Variants in MGAM2 observed in about 807,000 individuals in gnomAD.
MGAM2 encodes probable maltase-glucoamylase 2.
A neutral mutation model predicts 96.1 loss-of-function variants in MGAM2; 98 were observed. The observed-to-expected ratio is 1.02, with a 90% CI of 0.87 to 1.21. The LOEUF (loss-of-function observed/expected upper bound fraction) is 1.21, where lower values mean the gene tolerates loss of function less well. Ranked by LOEUF, MGAM2 falls within the 50% of genes most tolerant of loss-of-function variation. MGAM2 has a pLI of 0.00. For synonymous variants in MGAM2, 749 were observed against 414.8 expected (o/e 1.81, Z -9.79); for missense variants, 2,055 against 1,182.4 (o/e 1.74, Z -10.82).
chr7:142,213,808 C>G (rs1215074820), intron 46 of MGAM2, among the ~76,000 whole-genome samples: 1 of 152,168 alleles, frequency 6.6e-6, no homozygotes, highest in African/African-American at 2.4e-5. Flanking sequence ...TGCCCTAACT[C>G]ATTTTATGAG....
chr7:142,142,524 G>GTTTTTTTTTTTTT lies in MGAM2; in HGVS notation c.1318-1233_1318-1221dup, dbSNP rs746342532. On this transcript the variant is annotated intron_variant, in intron 12 of 47. Coordinates refer to ENST00000477922, the MANE Select transcript of MGAM2 (RefSeq NM_001293626.2). ...GTAGTGGAGGTGCATAGTGGTGTGT[G>GTTTTTTTTTTTTT]TTTTTTTTTTTTTTTTTTTTTTTTG... Among the ~76,000 whole-genome samples the GTTTTTTTTTTTTT allele has an allele frequency of 4.8e-4, 38 of 78,902 alleles. 4 individuals carry two copies. Among genetic ancestry groups the GTTTTTTTTTTTTT allele is most frequent in the East Asian group, 1.3e-3 (3 of 2,282 alleles). The allele number at this position is 78,902 out of a possible 152,430, so 51.8% of individuals were successfully genotyped here.
At chr7:142,157,794 T>G (rs1329519023) in intron 17 of MGAM2, 143 bp from the exon 18 acceptor site, 3 of 611,382 alleles carry the variant, frequency 4.9e-6, no homozygotes, top group Non-Finnish European at 8.7e-6. Flanking sequence ...AGGAGTAGGA[T>G]TAGTATCTTT....
intron 45 of MGAM2, among the ~76,000 whole-genome samples, chr7:142,207,109 G>C (rs1446052971): frequency 6.6e-6 from 1 of 152,216 alleles, no homozygotes; most frequent in African/African-American, 2.4e-5. Flanking sequence ...TTGGAATGTT[G>C]AGAAGGGCCA....
At chr7:142,119,190 A>G (rs541710733) in intron 2 of MGAM2, among the ~76,000 whole-genome samples, 166 of 152,294 alleles carry the variant, frequency 1.1e-3, no homozygotes, top group African/African-American at 3.9e-3. Context: ...AAGAGAATAT[A>G]TTCTCTTAGG....
chr7:142,192,639 A>G (rs1796905728), intron 37 of MGAM2, among the ~76,000 whole-genome samples: 1 of 152,140 alleles, frequency 6.6e-6, no homozygotes, highest in South Asian at 2.1e-4. Context: ...AGAAGATGTG[A>G]AAACTTGATA....
At chr7:142,200,490 A>G (rs1797187176) in intron 45 of MGAM2, among the ~76,000 whole-genome samples, 1 of 152,192 alleles carries the variant, frequency 6.6e-6, no homozygotes, top group Non-Finnish European at 1.5e-5. Flanking sequence ...TCCCCAGTTG[A>G]GATAGAGTAT....
chr7:142,160,121 T>C lies in MGAM2; in HGVS notation c.2221-13T>C. ...TATTACCTGATCTATCTTTTGTTGTTGTTGCTGATTAGGGAGTGGCCATCT... is the reference window on the plus strand; with the variant it reads ...TATTACCTGATCTATCTTTTGTTGTCGTTGCTGATTAGGGAGTGGCCATCT... On this transcript the variant is annotated splice_polypyrimidine_tract_variant and intron_variant, in intron 20 of 47. Coordinates refer to ENST00000477922, the MANE Select transcript of MGAM2 (RefSeq NM_001293626.2). 1.4e-6 allele frequency: 1 copy of C among 699,430 alleles called. No individual in the cohort carries two copies. Among genetic ancestry groups the C allele is most frequent in the South Asian group, 1.5e-5 (1 of 66,954 alleles). The allele number at this position is 699,430 out of a possible 1,614,324, so 43.3% of individuals were successfully genotyped here.
chr7:142,171,377 G>A lies in MGAM2; in HGVS notation c.3288G>A (p.Thr1096=), dbSNP rs902229419. 10 of 703,014 alleles carry A rather than the reference G, an allele frequency of 1.4e-5. No individual in the cohort carries two copies. Among genetic ancestry groups the A allele is most frequent in the Non-Finnish European group, 2.3e-5 (9 of 384,936 alleles). 43.5% of individuals were successfully genotyped at this position (703,014 alleles called of 1,614,324 possible). A position where few individuals can be genotyped will look rare whatever the true frequency, so the allele number is the denominator to read the frequency against. ...YIYGFGETEH[T]TFRRNMNWNT... ...ATGGCTTTGGGGAAACTGAGCACAC[G>A]ACTTTCAGAAGAAACATGAACTGGA... The change falls in exon 28 of 48, where the codon ACG becomes ACA. Residue 1096 remains threonine, a synonymous_variant. Transcript: ENST00000477922.
At chr7:142,215,619 G>A (rs912769950) in intron 46 of MGAM2, among the ~76,000 whole-genome samples, 59 of 152,016 alleles carry the variant, frequency 3.9e-4, no homozygotes, top group African/African-American at 1.1e-3. Flanking sequence ...AAAATTAGGC[G>A]TGGTGGCGCA....
At chr7:142,195,345 CTTTTTTTTTTTTTTT>C (rs1013124747) in intron 37 of MGAM2, among the ~76,000 whole-genome samples, 2 of 70,008 alleles carry the variant, frequency 2.9e-5, no homozygotes, top group African/African-American at 1.2e-4. Flanking sequence ...CCTTTTTACT[CTTTTTTTTTTTTTTT>C]TTTTTTTTTT....
At chr7:142,113,646 C>T (rs1817251738) in intron 1 of MGAM2, among the ~76,000 whole-genome samples, 1 of 151,976 alleles carries the variant, frequency 6.6e-6, no homozygotes, top group African/African-American at 2.4e-5. Context: ...CATGTTTAAA[C>T]ATGTTAAATC....
intron 32 of MGAM2, among the ~76,000 whole-genome samples, chr7:142,182,282 C>T (rs1222143511): frequency 6.6e-6 from 1 of 152,154 alleles, no homozygotes; most frequent in African/African-American, 2.4e-5. Flanking sequence ...TACTTCCAGG[C>T]CACCAGCAAA....
Position 142,162,018 on chromosome 7 carries a change from T to G in MGAM2, c.2484+14T>G, listed in dbSNP as rs762050707. 1 of 690,104 alleles carries G rather than the reference T, an allele frequency of 1.4e-6. No homozygotes were observed. Among genetic ancestry groups the G allele is most frequent in the South Asian group, 1.6e-5 (1 of 64,456 alleles). 42.7% of individuals were successfully genotyped at this position (690,104 alleles called of 1,614,324 possible). ...TCTGTTACCTCTGTAAGTATTTTGTTTGAGGAACACACAGCATATGTTCCT... is the reference window on the plus strand; with the variant it reads ...TCTGTTACCTCTGTAAGTATTTTGTGTGAGGAACACACAGCATATGTTCCT... On this transcript the variant is annotated intron_variant, in intron 23 of 47. Coordinates refer to ENST00000477922, the MANE Select transcript of MGAM2 (RefSeq NM_001293626.2).
Position 142,221,246 on chromosome 7 carries a change from G to A in MGAM2, c.6735G>A (p.Met2245Ile), listed in dbSNP as rs1408470082. Residue 2245 changes from methionine (M) to isoleucine (I), a missense_variant, in exon 48 of 48, where the codon ATG becomes ATA. Transcript: ENST00000477922. ...TGACAAATTTTCTTTTAGCTACAAT[G>A]TCTGCTGGTAATATAACTAGTAATA... The part of the protein sequence containing the change: ...ASMTNFLLAT[M>I]SAGNITSNSI... 1 of 700,000 alleles carries A rather than the reference G, an allele frequency of 1.4e-6. No individual in the cohort carries two copies. 43.4% of individuals were successfully genotyped at this position (700,000 alleles called of 1,614,324 possible).
intron 2 of MGAM2, among the ~76,000 whole-genome samples, chr7:142,117,195 C>G (rs1292980591): frequency 6.6e-6 from 1 of 152,150 alleles, no homozygotes; most frequent in African/African-American, 2.4e-5. Context: ...TCCCAAGCCC[C>G]ATTTAGTGCA....
intron 1 of MGAM2, 42 bp from the exon 2 acceptor site, chr7:142,116,832 G>A (rs1704865029): frequency 1.4e-6 from 1 of 702,826 alleles, no homozygotes; most frequent in African/African-American, 1.7e-5. Context: ...GATTGGTGGG[G>A]CCTTGTGATT....
intron 46 of MGAM2, among the ~76,000 whole-genome samples, chr7:142,216,805 T>G (rs919637408): frequency 3.9e-5 from 6 of 152,230 alleles, no homozygotes; most frequent in African/African-American, 1.4e-4. Flanking sequence ...TGTTTCTTTT[T>G]TCTCTTCCTA....
chr7:142,136,110 C>A (rs1438689824), intron 7 of MGAM2, among the ~76,000 whole-genome samples: 2 of 152,056 alleles, frequency 1.3e-5, no homozygotes, highest in African/African-American at 4.8e-5. Flanking sequence ...TTGACATCAC[C>A]GCAATAGGAT....
Position 142,132,097 on chromosome 7 carries a change from A to G in MGAM2, c.575+12A>G. ...AACAGAAGAGTCTTGTGAGCTTTTC[A>G]ACCCTCTTGGTGCATCTTTGAACAC... On this transcript the variant is annotated intron_variant, in intron 6 of 47. Transcript: ENST00000477922. The G allele has an allele frequency of 1.4e-6, 1 of 700,432 alleles. No homozygotes were observed. Among genetic ancestry groups the G allele is most frequent in the Non-Finnish European group, 2.6e-6 (1 of 384,066 alleles). The allele number at this position is 700,432 out of a possible 1,614,324, so 43.4% of individuals were successfully genotyped here.
Sources: gnomAD v4.1 joint callset for allele counts (sites outside exome capture counted in the v4.1 genomes callset) on GRCh38, gnomAD v4.1.1 for gene constraint, MANE v1.5 for transcripts, NCBI Gene and HGNC (gene_info 2026-07-23, HGNC 2026-07-21) for gene names.